CAMK2D: variants seen among roughly 807,000 people sequenced by gnomAD.
The protein encoded by CAMK2D is calcium/calmodulin-dependent protein kinase type II subunit delta.
Under a neutral mutation model 84.0 loss-of-function variants are expected in CAMK2D, and 37 were observed. The observed-to-expected ratio is 0.44, with a 90% CI of 0.34 to 0.58. The LOEUF (loss-of-function observed/expected upper bound fraction) is 0.58. Ranked by LOEUF, CAMK2D falls within the 20% of genes least tolerant of loss-of-function variation. The pLI is 0.02. For synonymous variants in CAMK2D, 202 were observed against 212.5 expected, an observed-to-expected ratio of 0.95 and a Z score of 0.43; for missense variants, 448 against 652.5, an observed-to-expected ratio of 0.69 and a Z score of 3.41.
rs888056116 is a variant in CAMK2D at position 113,452,096 on chromosome 4, A to G, written c.*2449T>C. ...TGGGGTGCTTGCCTGTATCCCAGAAATGATAACATCAAAGTGTTACAAGGA... is the reference window on the plus strand; with the variant it reads ...TGGGGTGCTTGCCTGTATCCCAGAAGTGATAACATCAAAGTGTTACAAGGA... On this transcript the variant is annotated 3_prime_UTR_variant, in exon 21 of 21. Coordinates refer to ENST00000511664, the MANE Select transcript of CAMK2D (RefSeq NM_001321571.2). 5 of 151,142 alleles carry G rather than the reference A, an allele frequency of 3.3e-5. No individual in the cohort carries two copies. Among genetic ancestry groups the G allele is most frequent in the African/African-American group, 1.2e-4 (5 of 41,096 alleles). 9.4% of individuals were successfully genotyped at this position (151,142 alleles called of 1,614,324 possible).
chr4:113,504,941 G>T, intron 14 of CAMK2D, 35 bp downstream of exon 14: 30 of 1,184,976 alleles, frequency 2.5e-5, no homozygotes, highest in South Asian at 3.8e-5. Context: ...AAAATGTAAA[G>T]AACTTAAGAA....
intron 2 of CAMK2D, among the ~76,000 whole-genome samples, chr4:113,757,865 TC>T (rs1289433800): frequency 5.3e-5 from 8 of 152,062 alleles, no homozygotes; most frequent in Non-Finnish European, 1.0e-4. Context: ...GAGGACAAAT[TC>T]AGATGAGTGA....
chr4:113,543,605 T>C (rs979266330), intron 6 of CAMK2D, among the ~76,000 whole-genome samples: 1 of 152,096 alleles, frequency 6.6e-6, no homozygotes, highest in African/African-American at 2.4e-5. Flanking sequence ...TGCTCAGTAA[T>C]GTATGCTCAC....
intron 3 of CAMK2D, among the ~76,000 whole-genome samples, chr4:113,634,843 T>C (rs1435504666): frequency 1.3e-5 from 2 of 152,166 alleles, no homozygotes; most frequent in East Asian, 1.9e-4. Flanking sequence ...CCAAGATCTG[T>C]CTAGAATACA....
intron 2 of CAMK2D, among the ~76,000 whole-genome samples, chr4:113,707,984 C>T (rs2099467422): frequency 6.6e-6 from 1 of 152,106 alleles, no homozygotes; most frequent in African/African-American, 2.4e-5. Context: ...TTTGAATTTT[C>T]CAAAAGGAAT....
intron 5 of CAMK2D, among the ~76,000 whole-genome samples, chr4:113,549,447 C>T (rs1481484507): frequency 6.6e-6 from 1 of 152,156 alleles, no homozygotes; most frequent in Non-Finnish European, 1.5e-5. Context: ...AACCCACTTC[C>T]ATACACTTCA....
intron 2 of CAMK2D, among the ~76,000 whole-genome samples, chr4:113,685,922 G>T (rs2099358333): frequency 6.6e-6 from 1 of 152,026 alleles, no homozygotes; most frequent in African/African-American, 2.4e-5. Flanking sequence ...AAATTATCTG[G>T]ATGTGGTGGC....
chr4:113,485,514 C>T (rs1589984238), intron 16 of CAMK2D, among the ~76,000 whole-genome samples: 1 of 152,104 alleles, frequency 6.6e-6, no homozygotes, highest in South Asian at 2.1e-4. Flanking sequence ...AAAACTCAAC[C>T]CTCCCTTGAC....
At chr4:113,641,061 T>A (rs564652398) in intron 3 of CAMK2D, among the ~76,000 whole-genome samples, 1 of 152,358 alleles carries the variant, frequency 6.6e-6, no homozygotes, top group Admixed American at 6.5e-5. Flanking sequence ...AGTATTTTCA[T>A]GTGTAAATGT....
intron 2 of CAMK2D, among the ~76,000 whole-genome samples, chr4:113,750,645 A>T (rs1364218931): frequency 6.6e-6 from 1 of 152,194 alleles, no homozygotes; most frequent in Non-Finnish European, 1.5e-5. Context: ...AGATCTAATG[A>T]TGAGCTGAAT....
chr4:113,731,260 C>CACTAAGAACTAAGA (rs2099568200), intron 2 of CAMK2D, among the ~76,000 whole-genome samples: 1 of 152,136 alleles, frequency 6.6e-6, no homozygotes. Context: ...TCAATGACCG[C>CACTAAGAACTAAGA]AGGCCATTCA....
In CAMK2D at chr4:113,513,474, A is replaced by C. The variant is rs1207011249; in HGVS notation, c.904-104T>G. ...CAAATCTTTTCCTGGCCCTACTTTC[A>C]GTTAGGGGATTTTTTATTGTTTGTT... On this transcript the variant is annotated intron_variant, in intron 11 of 20. Coordinates refer to ENST00000511664, the MANE Select transcript of CAMK2D (RefSeq NM_001321571.2). The C allele has an allele frequency of 6.2e-6, 5 of 805,306 alleles. No homozygotes were observed. The Admixed American group carries it at 1.0e-4, about 17-fold the overall frequency. 49.9% of individuals were successfully genotyped at this position (805,306 alleles called of 1,614,324 possible).
intron 2 of CAMK2D, among the ~76,000 whole-genome samples, chr4:113,674,404 C>A (rs1251993272): frequency 6.6e-6 from 1 of 152,126 alleles, no homozygotes; most frequent in Non-Finnish European, 1.5e-5. Flanking sequence ...GTAAGTACTG[C>A]ATCATTTAGA....
At chr4:113,655,671 C>T (rs1048674121) in intron 3 of CAMK2D, among the ~76,000 whole-genome samples, 17 of 152,158 alleles carry the variant, frequency 1.1e-4, no homozygotes, top group Non-Finnish European at 2.4e-4. Context: ...ATTCATCATC[C>T]CATGAACTGC....
rs11460715 is a variant in CAMK2D, at chr4:113,703,923, C to CTT, written c.161-42153_161-42152dup. Among the ~76,000 whole-genome samples the CTT allele has an allele frequency of 6.6e-3, 848 of 129,340 alleles. 7 individuals carry two copies. Among genetic ancestry groups the CTT allele is most frequent in the African/African-American group, 0.016 (548 of 34,900 alleles). 84.9% of individuals were successfully genotyped at this position (129,340 alleles called of 152,430 possible). On this transcript the variant is annotated intron_variant, in intron 2 of 20. Coordinates refer to ENST00000511664, the MANE Select transcript of CAMK2D (RefSeq NM_001321571.2). ...GTTGCAGCTTTCTATTTCTTATGAC[C>CTT]TTTTTTTTTTTTTTTTTTTAAGAAC...
intron 3 of CAMK2D, among the ~76,000 whole-genome samples, chr4:113,629,612 A>G (rs1398182795): frequency 6.6e-6 from 1 of 152,084 alleles, no homozygotes; most frequent in Non-Finnish European, 1.5e-5. Context: ...AAAGGGTCAT[A>G]ATGCACAGTT....
intron 2 of CAMK2D, among the ~76,000 whole-genome samples, chr4:113,751,359 T>C (rs1201535636): frequency 6.6e-6 from 1 of 152,216 alleles, no homozygotes; most frequent in African/African-American, 2.4e-5. Context: ...ATATCAACTA[T>C]CCACAATTTC....
At chr4:113,657,661 A>G (rs1328395030) in intron 3 of CAMK2D, among the ~76,000 whole-genome samples, 1 of 152,194 alleles carries the variant, frequency 6.6e-6, no homozygotes, top group African/African-American at 2.4e-5. Flanking sequence ...CATAAAAAAT[A>G]ACACATGAAA....
chr4:113,501,182 T>A (rs1268120672), intron 15 of CAMK2D, among the ~76,000 whole-genome samples: 2 of 152,024 alleles, frequency 1.3e-5, no homozygotes, highest in African/African-American at 4.8e-5. Context: ...CTGTTATTGA[T>A]AAGAAACCTA....
Sources: allele counts gnomAD v4.1 joint callset (sites outside exome capture counted in the v4.1 genomes callset), GRCh38; gene constraint gnomAD v4.1.1; transcripts MANE v1.5; gene names NCBI Gene and HGNC (gene_info 2026-07-23, HGNC 2026-07-21).